Variants in RBFOX1 observed in about 807,000 individuals in gnomAD.
RBFOX1 encodes RNA binding fox-1 homolog 1.
Under a neutral mutation model 57.7 loss-of-function variants are expected in RBFOX1, and 8 were observed. The ratio of observed to expected loss-of-function variants is 0.14; its 90% CI spans 0.08 to 0.25. The LOEUF is 0.25. Ranked by LOEUF, RBFOX1 falls within the 10% of genes least tolerant of loss-of-function variation. The probability of loss-of-function intolerance (pLI) is 1.00; values close to 1 mark genes in which losing one functional copy is unlikely to be tolerated. For missense variants in RBFOX1, 611 were observed against 548.5 expected (o/e 1.11, Z -1.14); for synonymous variants, 326 against 222.4 (o/e 1.47, Z -4.15).
intron 3 of RBFOX1, among the ~76,000 whole-genome samples, chr16:6,729,288 A>G (rs925543041): frequency 1.3e-5 from 2 of 152,162 alleles, no homozygotes; most frequent in Non-Finnish European, 2.9e-5. Flanking sequence ...GACGATCAAG[A>G]TTTGTTTAGA....
At chr16:5,496,388 C>G (rs887850551) in intron 2 of RBFOX1, among the ~76,000 whole-genome samples, 1 of 152,114 alleles carries the variant, frequency 6.6e-6, no homozygotes, top group Non-Finnish European at 1.5e-5. Flanking sequence ...TTTGCCTATT[C>G]TCTCCCCATT....
intron 4 of RBFOX1, among the ~76,000 whole-genome samples, chr16:7,414,307 A>G (rs543335127): frequency 2.6e-5 from 4 of 152,242 alleles, no homozygotes; most frequent in African/African-American, 4.8e-5. Flanking sequence ...TTCACTGGCC[A>G]GGTTATGGGA....
In RBFOX1 at chr16:7,538,832, C is replaced by T. The variant is rs114331851; in HGVS notation, c.270+20443C>T. Reference sequence around the variant, plus strand: ...TGGAACTTGGTGATTGTCTGTACAACACATCTCCTCCCCCGCACCCCCACC... The same window carrying T: ...TGGAACTTGGTGATTGTCTGTACAATACATCTCCTCCCCCGCACCCCCACC... On this transcript the variant is annotated intron_variant, in intron 5 of 15. Transcript: ENST00000550418. Among the ~76,000 whole-genome samples, 1,096 of 151,966 alleles carry T rather than the reference C, an allele frequency of 7.2e-3. 13 individuals carry two copies. The highest frequency in any genetic ancestry group is 0.024 in the African/African-American group (1,012 of 41,378).
chr16:7,069,101 A>C (rs2056784848), intron 4 of RBFOX1, among the ~76,000 whole-genome samples: 1 of 152,238 alleles, frequency 6.6e-6, no homozygotes, highest in Non-Finnish European at 1.5e-5. Context: ...GATCCCTGAC[A>C]TTATTTTATC....
chr16:6,785,652 T>C (rs2081829977), intron 3 of RBFOX1, among the ~76,000 whole-genome samples: 1 of 152,186 alleles, frequency 6.6e-6, no homozygotes, highest in Non-Finnish European at 1.5e-5. Flanking sequence ...TTACCTAATA[T>C]TTATTTCCAC....
chr16:7,266,995 A>C (rs1216545248), intron 4 of RBFOX1, among the ~76,000 whole-genome samples: 2 of 152,124 alleles, frequency 1.3e-5, no homozygotes, highest in Non-Finnish European at 2.9e-5. Flanking sequence ...AAAGCTCCCC[A>C]AAACAAAAAC....
chr16:5,403,426 A>C (rs766431996), intron 1 of RBFOX1, among the ~76,000 whole-genome samples: 2 of 151,648 alleles, frequency 1.3e-5, no homozygotes, highest in African/African-American at 2.4e-5. Flanking sequence ...CACTGCTTGT[A>C]ATATGCTCTG....
intron 4 of RBFOX1, among the ~76,000 whole-genome samples, chr16:5,878,317 T>G (rs1278741852): frequency 1.3e-5 from 2 of 152,186 alleles, no homozygotes; most frequent in Non-Finnish European, 2.9e-5. Context: ...CTGAGCAATG[T>G]ATTGTATATA....
chr16:7,455,161 G>A (rs532221821), intron 4 of RBFOX1, among the ~76,000 whole-genome samples: 1 of 152,320 alleles, frequency 6.6e-6, no homozygotes, highest in East Asian at 1.9e-4. Flanking sequence ...GAAGCAGCTA[G>A]ATTTTGATTG....
chr16:6,530,849 C>G (rs1308490507), intron 2 of RBFOX1, among the ~76,000 whole-genome samples: 1 of 151,954 alleles, frequency 6.6e-6, no homozygotes, highest in African/African-American at 2.4e-5. Context: ...CGGATCCCTC[C>G]TACAACATGT....
chr16:6,749,985 G>C (rs17141247), intron 3 of RBFOX1, among the ~76,000 whole-genome samples: 3,100 of 152,210 alleles, frequency 0.02, 110 homozygotes, highest in African/African-American at 0.071. Context: ...TGCTCTCAGA[G>C]TTTTATGAAT....
chr16:6,364,358 C>CTCTT (rs1019743851), intron 2 of RBFOX1, among the ~76,000 whole-genome samples: 1 of 152,058 alleles, frequency 6.6e-6, no homozygotes, highest in Non-Finnish European at 1.5e-5. Context: ...TCTCCTCTTC[C>CTCTT]TCTTTCTTTC....
At chr16:5,615,308 G>C (rs2047980936) in intron 3 of RBFOX1, among the ~76,000 whole-genome samples, 1 of 152,166 alleles carries the variant, frequency 6.6e-6, no homozygotes, top group African/African-American at 2.4e-5. Flanking sequence ...TGGGATTACA[G>C]AAAGGAGCCA....
intron 2 of RBFOX1, among the ~76,000 whole-genome samples, chr16:6,450,828 TA>T (rs2094595246): frequency 7.3e-5 from 2 of 27,392 alleles, no homozygotes; most frequent in African/African-American, 2.4e-4. Context: ...CATATATATA[TA>T]TATATATGTG....
At chr16:7,577,157 G>A (rs1452299457) in intron 5 of RBFOX1, among the ~76,000 whole-genome samples, 2 of 152,084 alleles carry the variant, frequency 1.3e-5, no homozygotes, top group Non-Finnish European at 2.9e-5. Flanking sequence ...TAATTCATTC[G>A]GTCAGTGAGT....
intron 9 of RBFOX1, among the ~76,000 whole-genome samples, chr16:7,601,497 C>G (rs779606922): frequency 2.0e-5 from 3 of 152,110 alleles, no homozygotes; most frequent in Non-Finnish European, 4.4e-5. Context: ...ATCAATTCTT[C>G]AGATGCTAAA....
At chr16:5,829,202 G>T (rs916127314) in intron 3 of RBFOX1, among the ~76,000 whole-genome samples, 1 of 152,168 alleles carries the variant, frequency 6.6e-6, no homozygotes, top group Non-Finnish European at 1.5e-5. Context: ...GGTTTAAAGG[G>T]TGATGAGGAG....
chr16:6,753,771 G>C (rs1039935213), intron 3 of RBFOX1, among the ~76,000 whole-genome samples: 2 of 152,130 alleles, frequency 1.3e-5, no homozygotes, highest in African/African-American at 4.8e-5. Context: ...GTGATTCGTA[G>C]TGAGAGAATG....
intron 3 of RBFOX1, among the ~76,000 whole-genome samples, chr16:6,850,815 C>T (rs565287407): frequency 6.6e-6 from 1 of 152,192 alleles, no homozygotes; most frequent in East Asian, 1.9e-4. Context: ...AATCATCTCT[C>T]ATTTTCTTGT....
Sources: gnomAD v4.1 joint callset for allele counts (sites outside exome capture counted in the v4.1 genomes callset) on GRCh38, gnomAD v4.1.1 for gene constraint, MANE v1.5 for transcripts, NCBI Gene and HGNC (gene_info 2026-07-23, HGNC 2026-07-21) for gene names.